Variants in EBF1 observed in about 807,000 individuals in gnomAD.
The protein encoded by EBF1 is transcription factor COE1.
EBF1 carries 10 observed loss-of-function variants against 68.4 expected under a neutral mutation model. The observed-to-expected ratio is 0.15, with a 90% CI of 0.09 to 0.25. The LOEUF (loss-of-function observed/expected upper bound fraction) is 0.25. Among genes scored for constraint, EBF1 ranks in the 10% least tolerant of loss-of-function variants. The pLI is 1.00. For missense variants in EBF1, 509 were observed against 794.4 expected, an observed-to-expected ratio of 0.64 and a Z score of 4.32; for synonymous variants, 298 against 299.8, an observed-to-expected ratio of 0.99 and a Z score of 0.06.
chr5:159,070,324 C>T (rs901260300), intron 6 of EBF1, among the ~76,000 whole-genome samples: 1 of 152,128 alleles, frequency 6.6e-6, no homozygotes, highest in South Asian at 2.1e-4. Flanking sequence ...GACAAATTGT[C>T]ATGATTGTAA....
intron 6 of EBF1, among the ~76,000 whole-genome samples, chr5:158,868,408 A>C (rs1166894811): frequency 6.6e-6 from 1 of 152,178 alleles, no homozygotes; most frequent in African/African-American, 2.4e-5. Flanking sequence ...TCTATTAGGA[A>C]AGTACTTGCA....
intron 2 of EBF1, 67 bp downstream of exon 2, chr5:159,096,907 C>A: frequency 1.3e-6 from 2 of 1,574,876 alleles, no homozygotes; most frequent in East Asian, 2.3e-5. Context: ...GGCGCGCTGC[C>A]CAAGGCTCCC....
chr5:158,795,287 C>T (rs1375647673), intron 9 of EBF1, among the ~76,000 whole-genome samples: 2 of 152,206 alleles, frequency 1.3e-5, no homozygotes, highest in African/African-American at 2.4e-5. Context: ...AAATCACTTA[C>T]ATTCTATAGG....
intron 10 of EBF1, among the ~76,000 whole-genome samples, chr5:158,738,358 A>G (rs1269207744): frequency 6.6e-6 from 1 of 152,244 alleles, no homozygotes; most frequent in Admixed American, 6.5e-5. Flanking sequence ...CAGTATACAT[A>G]TTTCCTAACT....
chr5:158,968,189 C>A (rs575182460), intron 6 of EBF1, among the ~76,000 whole-genome samples: 1 of 152,082 alleles, frequency 6.6e-6, no homozygotes, highest in African/African-American at 2.4e-5. Flanking sequence ...TCAAGCATAG[C>A]GGCTTCCTAA....
At chr5:159,099,105 CA>C (rs1166754501) in intron 1 of EBF1, among the ~76,000 whole-genome samples, 1 of 152,164 alleles carries the variant, frequency 6.6e-6, no homozygotes, top group Non-Finnish European at 1.5e-5. Context: ...ACAGACGAGG[CA>C]GGGGAAAGTG....
intron 6 of EBF1, among the ~76,000 whole-genome samples, chr5:158,976,810 TG>T (rs777212273): frequency 6.6e-6 from 1 of 152,226 alleles, no homozygotes; most frequent in Non-Finnish European, 1.5e-5. Flanking sequence ...AGAAACATTT[TG>T]TATTTTTATC....
intron 6 of EBF1, among the ~76,000 whole-genome samples, chr5:158,879,093 T>G (rs1798345471): frequency 6.6e-6 from 1 of 152,222 alleles, no homozygotes. Context: ...TTCACTCTGC[T>G]GATTCCTGCC....
chr5:158,941,222 G>A (rs999317916), intron 6 of EBF1: 5 of 455,912 alleles, frequency 1.1e-5, no homozygotes, highest in South Asian at 3.1e-5. Context: ...ACACACATTT[G>A]AGGAAGAATG....
At chr5:158,996,941 CA>C (rs1234553784) in intron 6 of EBF1, among the ~76,000 whole-genome samples, 1 of 152,172 alleles carries the variant, frequency 6.6e-6, no homozygotes, top group African/African-American at 2.4e-5. Context: ...CTCAAGTAGT[CA>C]GTGGCATAGG....
At chr5:158,825,504 A>AC (rs1554147679) in intron 7 of EBF1, among the ~76,000 whole-genome samples, 16 of 151,770 alleles carry the variant, frequency 1.1e-4, no homozygotes, top group Middle Eastern at 3.4e-3. Flanking sequence ...AAAAAAAAAA[A>AC]CAATGACAAT....
chr5:158,982,433 T>C (rs962748232), intron 6 of EBF1, among the ~76,000 whole-genome samples: 1 of 152,222 alleles, frequency 6.6e-6, no homozygotes, highest in African/African-American at 2.4e-5. Context: ...TCAGCCACTG[T>C]GTCAGGCAAC....
At chr5:158,767,676 G>A (rs1206854008) in intron 10 of EBF1, among the ~76,000 whole-genome samples, 3 of 151,974 alleles carry the variant, frequency 2.0e-5, no homozygotes, top group African/African-American at 7.3e-5. Flanking sequence ...CAAGAAGACT[G>A]GGAGAAAAGA....
chr5:158,852,005 GA>G (rs1792958882), intron 6 of EBF1, among the ~76,000 whole-genome samples: 1 of 39,044 alleles, frequency 2.6e-5, no homozygotes, highest in Non-Finnish European at 4.9e-5. Context: ...AAGGGGAGGG[GA>G]AGGGTGGAGA....
At chr5:158,997,655 T>A (rs1006970919) in intron 6 of EBF1, among the ~76,000 whole-genome samples, 1 of 152,202 alleles carries the variant, frequency 6.6e-6, no homozygotes, top group Non-Finnish European at 1.5e-5. Context: ...GCCATGCAAA[T>A]TTATTCTCCA....
intron 10 of EBF1, among the ~76,000 whole-genome samples, chr5:158,746,629 C>T (rs1344574503): frequency 6.6e-6 from 1 of 152,030 alleles, no homozygotes; most frequent in Admixed American, 6.6e-5. Context: ...TGGAATGGAC[C>T]TGCTTAAAAC....
chr5:158,912,345 T>A (rs1373992048), intron 6 of EBF1, among the ~76,000 whole-genome samples: 1 of 152,216 alleles, frequency 6.6e-6, no homozygotes, highest in African/African-American at 2.4e-5. Flanking sequence ...TTGCCCAATT[T>A]AAAATGGAGT....
chr5:158,808,980 C>T (rs1157143511), intron 8 of EBF1, among the ~76,000 whole-genome samples: 1 of 152,118 alleles, frequency 6.6e-6, no homozygotes, highest in Non-Finnish European at 1.5e-5. Context: ...TGAACTCTTC[C>T]TATCTTTCCC....
intron 6 of EBF1, among the ~76,000 whole-genome samples, chr5:159,010,779 C>T (rs1368494850): frequency 6.6e-6 from 1 of 152,196 alleles, no homozygotes; most frequent in Non-Finnish European, 1.5e-5. Flanking sequence ...ACCTGTACAG[C>T]AAGAGCCTCC....
Sources: allele counts gnomAD v4.1 joint callset (sites outside exome capture counted in the v4.1 genomes callset), GRCh38; gene constraint gnomAD v4.1.1; transcripts MANE v1.5; gene names NCBI Gene and HGNC (gene_info 2026-07-23, HGNC 2026-07-21).